OLA1: variants seen among roughly 807,000 people sequenced by gnomAD.
OLA1 encodes Obg like ATPase 1.
In OLA1, 14 loss-of-function variants were observed where a neutral mutation model predicts 48.4. The ratio of observed to expected loss-of-function variants is 0.29; its 90% CI spans 0.19 to 0.45. The LOEUF (loss-of-function observed/expected upper bound fraction) is 0.45. Among genes scored for constraint, OLA1 ranks in the 20% least tolerant of loss-of-function variants. The pLI, the probability that OLA1 is intolerant of heterozygous loss-of-function variation, is 1.00. For missense variants in OLA1, 325 were observed against 467.1 expected (o/e 0.70, Z 2.80); for synonymous variants, 127 against 150.4 (o/e 0.84, Z 1.14).
At chr2:174,139,362 T>G (rs1686385510) in intron 5 of OLA1, among the ~76,000 whole-genome samples, 1 of 152,154 alleles carries the variant, frequency 6.6e-6, no homozygotes. Flanking sequence ...AGAGAGAGCA[T>G]GGCCCTGCCA....
chr2:174,127,761 C>G (rs1259449803), intron 5 of OLA1, among the ~76,000 whole-genome samples: 1 of 152,066 alleles, frequency 6.6e-6, no homozygotes. Context: ...TGTTCTAGGT[C>G]CAGGGACTCC....
At chr2:174,168,797 CTAT>C (rs2105403740) in intron 4 of OLA1, among the ~76,000 whole-genome samples, 1 of 138,548 alleles carries the variant, frequency 7.2e-6, no homozygotes, top group East Asian at 2.1e-4. Flanking sequence ...ATCTATCTAT[CTAT>C]CTAGATATAT....
At chr2:174,156,104 A>G (rs935958292) in intron 4 of OLA1, among the ~76,000 whole-genome samples, 1 of 152,198 alleles carries the variant, frequency 6.6e-6, no homozygotes. Context: ...CCTCATACAG[A>G]GCAGGCCCTC....
intron 7 of OLA1, among the ~76,000 whole-genome samples, chr2:174,109,462 T>A (rs1434021177): frequency 6.6e-6 from 1 of 152,318 alleles, no homozygotes; most frequent in East Asian, 1.9e-4. Flanking sequence ...ATTATTTAAT[T>A]GTGCTTAATC....
chr2:174,132,421 C>T (rs1177381611), intron 5 of OLA1, among the ~76,000 whole-genome samples: 1 of 151,888 alleles, frequency 6.6e-6, no homozygotes, highest in African/African-American at 2.4e-5. Flanking sequence ...TTTCTAACTC[C>T]TTCATAAGAA....
intron 7 of OLA1, among the ~76,000 whole-genome samples, chr2:174,083,596 G>C (rs1558945400): frequency 6.6e-6 from 1 of 151,930 alleles, no homozygotes; most frequent in Non-Finnish European, 1.5e-5. Flanking sequence ...TTAAAAAAAA[G>C]GTGGGGGGAC....
intron 4 of OLA1, among the ~76,000 whole-genome samples, chr2:174,204,857 G>A (rs1037605576): frequency 7.9e-5 from 12 of 151,992 alleles, no homozygotes; most frequent in Admixed American, 2.0e-4. Context: ...TAAATTCTCC[G>A]AGAATCAGTT....
chr2:174,143,514 T>C (rs1321226894), intron 4 of OLA1, among the ~76,000 whole-genome samples: 3 of 152,218 alleles, frequency 2.0e-5, no homozygotes, highest in Non-Finnish European at 4.4e-5. Flanking sequence ...CTAAGCTTTC[T>C]GTGACACTCA....
At chr2:174,154,117 C>T (rs771532588) in intron 4 of OLA1, among the ~76,000 whole-genome samples, 5 of 152,098 alleles carry the variant, frequency 3.3e-5, no homozygotes, top group African/African-American at 9.7e-5. Context: ...GCAATCCTCC[C>T]GCCTCAGCTG....
chr2:174,098,780 G>A (rs1685317113), intron 7 of OLA1, among the ~76,000 whole-genome samples: 1 of 152,112 alleles, frequency 6.6e-6, no homozygotes, highest in South Asian at 2.1e-4. Context: ...CTGATACAAG[G>A]TAAATGCTCA....
intron 4 of OLA1, among the ~76,000 whole-genome samples, chr2:174,197,828 T>C (rs1242487552): frequency 6.6e-6 from 1 of 152,074 alleles, no homozygotes; most frequent in Non-Finnish European, 1.5e-5. Flanking sequence ...AATGCTGGAG[T>C]GTAGGTTTAA....
chr2:174,141,128 C>T (rs919419350), intron 5 of OLA1, among the ~76,000 whole-genome samples: 3 of 152,160 alleles, frequency 2.0e-5, no homozygotes, highest in African/African-American at 7.2e-5. Context: ...GACAGGGTTT[C>T]GCCATGTTGG....
intron 5 of OLA1, among the ~76,000 whole-genome samples, chr2:174,124,597 G>A (rs1159559221): frequency 6.6e-6 from 1 of 152,124 alleles, no homozygotes; most frequent in African/African-American, 2.4e-5. Flanking sequence ...GGTCTGAAAG[G>A]TCAAATTTAG....
intron 7 of OLA1, among the ~76,000 whole-genome samples, chr2:174,102,409 C>T (rs983077705): frequency 2.6e-5 from 4 of 151,284 alleles, no homozygotes; most frequent in African/African-American, 2.4e-5. Flanking sequence ...TCAGTAGAGA[C>T]GAGATTAGAA....
chr2:174,187,223 G>A (rs1295983653), intron 4 of OLA1, among the ~76,000 whole-genome samples: 3 of 152,076 alleles, frequency 2.0e-5, no homozygotes, highest in African/African-American at 7.2e-5. Flanking sequence ...CATTTGCCAA[G>A]GTCATCACTG....
Position 174,233,442 on chromosome 2 carries a change from C to T in OLA1, c.102-3991G>A, listed in dbSNP as rs545699802. ...CGGCTAGAGTGCAGTGTCACGATCT[C>T]GGCTTACTGCAACCTCCGCCTCCTG... On this transcript the variant is annotated intron_variant, in intron 2 of 10. Transcript: ENST00000284719. Among the ~76,000 whole-genome samples the T allele has an allele frequency of 1.0e-3, 156 of 152,264 alleles. 1 individual carries two copies. Among genetic ancestry groups the T allele is most frequent in the Non-Finnish European group, 7.4e-5 (5 of 68,020 alleles).
Position 174,193,509 on chromosome 2 carries a change from A to G in OLA1, c.373+29524T>C, listed in dbSNP as rs141202253. 2.6e-5 allele frequency among the ~76,000 whole-genome samples: 4 copies of G among 152,290 alleles called. 1 individual carries two copies. Among genetic ancestry groups the G allele is most frequent in the African/African-American group, 9.6e-5 (4 of 41,554 alleles). ...GGAAGCTGATCCTCTTGTGTGCAAC[A>G]GTAGAAACTAAATAGTTTTTATGCC... On this transcript the variant is annotated intron_variant, in intron 4 of 10. Coordinates refer to ENST00000284719, the MANE Select transcript of OLA1 (RefSeq NM_013341.5).
intron 4 of OLA1, among the ~76,000 whole-genome samples, chr2:174,188,620 T>G (rs139503354): frequency 5.8e-4 from 89 of 152,286 alleles, no homozygotes; most frequent in African/African-American, 2.1e-3. Context: ...TGGCTGCTTA[T>G]CAGCAGCATT....
At chr2:174,095,512 G>A (rs966937899) in intron 7 of OLA1, among the ~76,000 whole-genome samples, 7 of 151,724 alleles carry the variant, frequency 4.6e-5, no homozygotes, top group African/African-American at 1.7e-4. Context: ...CAAGTCCTCC[G>A]CTCTTGTTTT....
Sources: gnomAD v4.1 joint callset for allele counts (sites outside exome capture counted in the v4.1 genomes callset) on GRCh38, gnomAD v4.1.1 for gene constraint, MANE v1.5 for transcripts, NCBI Gene and HGNC (gene_info 2026-07-23, HGNC 2026-07-21) for gene names.